Variants in FBN2 observed in about 807,000 individuals in gnomAD.
The protein encoded by FBN2 is fibrillin-2.
A neutral mutation model predicts 355.6 loss-of-function variants in FBN2; 105 were observed. The ratio of observed to expected loss-of-function variants is 0.30; its 90% CI spans 0.25 to 0.35. FBN2 has a LOEUF of 0.35. Among genes scored for constraint, FBN2 ranks in the 10% least tolerant of loss-of-function variants. FBN2 has a pLI of 1.00. For synonymous variants in FBN2, 1,350 were observed against 1,301.2 expected, an observed-to-expected ratio of 1.04 and a Z score of -0.81; for missense variants, 3,280 against 3,758.7, an observed-to-expected ratio of 0.87 and a Z score of 3.33.
intron 22 of FBN2, 122 bp from the exon 23 acceptor site, chr5:128,349,594 T>A (rs1751288852): frequency 8.1e-7 from 1 of 1,236,902 alleles, no homozygotes; most frequent in Non-Finnish European, 1.2e-6. Context: ...ATTACTTGAG[T>A]TAAACAGAAA....
chr5:128,369,321 G>A lies in FBN2; in HGVS notation c.2109C>T (p.Arg703=), dbSNP rs755568243. Residue 703 remains arginine, a synonymous_variant, in exon 16 of 65, where the codon CGC becomes CGT. Transcript: ENST00000262464. ...TCTTGATTCCTCCATAGCAGGTACT[G>A]CGCATGTGAGTATCTAAAGGAGATA... The part of the protein sequence containing the change: ...DGRVCVDTHM[R]STCYGGIKKG... 1.9e-6 allele frequency: 3 copies of A among 1,614,100 alleles called. No individual in the cohort carries two copies. The highest frequency in any genetic ancestry group is 1.3e-5 in the African/African-American group (1 of 75,042).
At position 128,259,282 on chromosome 5, in the gene FBN2, C is replaced by A; in HGVS notation, c.*173G>T. 1.2e-6 allele frequency: 1 copy of A among 800,272 alleles called. No individual in the cohort carries two copies. Among genetic ancestry groups the A allele is most frequent in the Non-Finnish European group, 2.1e-6 (1 of 485,496 alleles). The allele number at this position is 800,272 out of a possible 1,614,324, so 49.6% of individuals were successfully genotyped here. ...CTTTGTGCTCAAATCTTTGGCCATA[C>A]CAGAGTCTAAATTATCCCTCCCTGT... On this transcript the variant is annotated 3_prime_UTR_variant, in exon 65 of 65. Coordinates refer to ENST00000262464, the MANE Select transcript of FBN2 (RefSeq NM_001999.4).
intron 7 of FBN2, among the ~76,000 whole-genome samples, chr5:128,426,508 C>T (rs1753486934): frequency 6.6e-6 from 1 of 152,186 alleles, no homozygotes; most frequent in Non-Finnish European, 1.5e-5. Context: ...GCAACTATTT[C>T]TCCCACTGCT....
At chr5:128,505,478 T>A (rs555088278) in intron 5 of FBN2, among the ~76,000 whole-genome samples, 1 of 152,276 alleles carries the variant, frequency 6.6e-6, no homozygotes, top group South Asian at 2.1e-4. Context: ...TCCCGAGGTA[T>A]AATAAACATA....
chr5:128,299,794 A>C (rs951656306), intron 48 of FBN2, among the ~76,000 whole-genome samples: 1 of 152,170 alleles, frequency 6.6e-6, no homozygotes, highest in Non-Finnish European at 1.5e-5. Context: ...TCCGTCACTC[A>C]TGCTGGGAGC....
intron 30 of FBN2, 90 bp downstream of exon 30, chr5:128,335,080 A>T: frequency 6.4e-7 from 1 of 1,565,268 alleles, no homozygotes; most frequent in Admixed American, 1.7e-5. Flanking sequence ...ATAACAACAG[A>T]AAAAGCCTTC....
In FBN2 at chr5:128,311,388, C is replaced by T. The variant is rs1554120357; in HGVS notation, c.4986G>A (p.Gln1662=). The part of the protein sequence containing the change: ...DECQELPGLC[Q]GGNCINTFGS... ...CAAAAGTGTTGATGCAGTTTCCACC[C>T]TGGCAGAGACCTGGTAACTCCTGGC... The change falls in exon 39 of 65, where the codon CAG becomes CAA. Residue 1662 remains glutamine, a synonymous_variant. Transcript: ENST00000262464. 1 of 1,614,092 alleles carries T rather than the reference C, an allele frequency of 6.2e-7. No individual in the cohort carries two copies. Among genetic ancestry groups the T allele is most frequent in the Non-Finnish European group, 8.5e-7 (1 of 1,179,966 alleles).
chr5:128,450,787 T>A (rs1007147979), intron 6 of FBN2, among the ~76,000 whole-genome samples: 1 of 152,082 alleles, frequency 6.6e-6, no homozygotes, highest in East Asian at 1.9e-4. Context: ...ACACTGTATA[T>A]AAAAATAAAT....
intron 5 of FBN2, among the ~76,000 whole-genome samples, chr5:128,518,420 C>T (rs1361864142): frequency 6.6e-6 from 1 of 152,122 alleles, no homozygotes; most frequent in South Asian, 2.1e-4. Flanking sequence ...CATCCCTCCA[C>T]CCCTTTTCTC....
intron 19 of FBN2, 66 bp downstream of exon 19, chr5:128,361,657 T>G: frequency 1.3e-6 from 2 of 1,532,460 alleles, no homozygotes; most frequent in Non-Finnish European, 1.8e-6. Context: ...TTCATCACTG[T>G]AATTGATGTT....
At position 128,364,666 on chromosome 5, in the gene FBN2, G is replaced by A. The variant is rs746122770; in HGVS notation, c.2362C>T (p.Arg788Cys). 6 of 1,612,872 alleles carry A rather than the reference G, an allele frequency of 3.7e-6. No homozygotes were observed. The highest frequency in any genetic ancestry group is 2.2e-5 in the South Asian group (2 of 91,042). ...TTGCAATTACAACGGTAACTACCAC[G>A]TAAGTTTTCACAAATCCCATTGGCA... ...ICANGICENL[R>C]GSYRCNCNSG... The change falls in exon 18 of 65, where the codon CGT (arginine) becomes TGT (cysteine). Residue 788 changes from arginine to cysteine, a missense_variant. This residue lies in a region of FBN2 where 2,284 missense variants were observed against 2,749.5 expected (regional missense o/e 0.83). Transcript: ENST00000262464.
At chr5:128,439,560 T>C (rs1249706454) in intron 7 of FBN2, among the ~76,000 whole-genome samples, 1 of 152,154 alleles carries the variant, frequency 6.6e-6, no homozygotes, top group Non-Finnish European at 1.5e-5. Flanking sequence ...AATAGTCAAT[T>C]CATATCCTTG....
In FBN2 at chr5:128,280,259, A is replaced by G. The variant is rs1296710574; in HGVS notation, c.7071T>C (p.Ile2357=). ...GICENGRCVN[I]IGSYRCECNE... ...TACACTCACATCTATAGCTTCCAATAATGTTAACACAACGTCCATTTTCAC... is the reference window on the plus strand; with the variant it reads ...TACACTCACATCTATAGCTTCCAATGATGTTAACACAACGTCCATTTTCAC... The change falls in exon 56 of 65, where the codon ATT becomes ATC. Residue 2357 remains isoleucine (I), a synonymous_variant. Transcript: ENST00000262464. The G allele has an allele frequency of 1.2e-6, 2 of 1,611,804 alleles. No individual in the cohort carries two copies. The highest frequency in any genetic ancestry group is 2.2e-5 in the East Asian group (1 of 44,764).
At chr5:128,274,469 C>T (rs1042901835) in intron 60 of FBN2, 98 bp downstream of exon 60, 10 of 771,130 alleles carry the variant, frequency 1.3e-5, no homozygotes, top group Non-Finnish European at 1.9e-5. Context: ...GGTTACTGAA[C>T]ATAAATACCA....
At chr5:128,335,118 GGT>G in intron 30 of FBN2, 50 bp downstream of exon 30, 1 of 1,609,156 alleles carries the variant, frequency 6.2e-7, no homozygotes, top group Non-Finnish European at 8.5e-7. Context: ...TGTGCATGTG[GGT>G]GTGTGTGCAT....
intron 34 of FBN2, among the ~76,000 whole-genome samples, chr5:128,326,163 C>A (rs924578219): frequency 6.6e-6 from 1 of 152,172 alleles, no homozygotes; most frequent in Non-Finnish European, 1.5e-5. Context: ...TCAAGAGCTT[C>A]TATCTACTTT....
chr5:128,271,285 A>G (rs60451852), intron 62 of FBN2, among the ~76,000 whole-genome samples: 3,370 of 152,326 alleles, frequency 0.022, 91 homozygotes, highest in African/African-American at 0.058. Flanking sequence ...AGCACCTAGC[A>G]TCAAAATGTG....
chr5:128,263,160 C>G (rs939638471), intron 63 of FBN2, among the ~76,000 whole-genome samples: 1 of 152,208 alleles, frequency 6.6e-6, no homozygotes, highest in African/African-American at 2.4e-5. Context: ...CAAATTGAAT[C>G]AATTCAGGCC....
chr5:128,263,290 A>G (rs1405677191), intron 63 of FBN2, 135 bp downstream of exon 63: 1 of 726,440 alleles, frequency 1.4e-6, no homozygotes, highest in Non-Finnish European at 2.5e-6. Context: ...ATTTATCTGC[A>G]TACCCGAAGA....
Sources: gnomAD v4.1 joint callset for allele counts (sites outside exome capture counted in the v4.1 genomes callset) on GRCh38, gnomAD v4.1.1 for gene constraint, gnomAD v4.1.1 regional missense constraint, MANE v1.5 for transcripts, NCBI Gene and HGNC (gene_info 2026-07-23, HGNC 2026-07-21) for gene names.